Variants in LRRTM3 observed in about 807,000 individuals in gnomAD.
LRRTM3 encodes the protein leucine rich repeat transmembrane neuronal 3, also known as leucine-rich repeat transmembrane neuronal protein 3.
A neutral mutation model predicts 44.7 loss-of-function variants in LRRTM3; 24 were observed. The ratio of observed to expected loss-of-function variants is 0.54; its 90% CI spans 0.39 to 0.76. The LOEUF is 0.76. Among genes scored for constraint, LRRTM3 ranks in the 30% least tolerant of loss-of-function variants. LRRTM3 has a pLI of 0.00. For synonymous variants in LRRTM3, 277 were observed against 278.7 expected (o/e 0.99, Z 0.06); for missense variants, 587 against 702.2 (o/e 0.84, Z 1.85).
chr10:67,101,402 T>C lies in LRRTM3; in HGVS notation c.*3606T>C, dbSNP rs1444890523. Among the ~76,000 whole-genome samples, 4 of 151,602 alleles carry C rather than the reference T, an allele frequency of 2.6e-5. No individual in the cohort carries two copies. In the Admixed American group the frequency reaches 2.6e-4, roughly 10 times the overall value. Reference sequence around the variant, plus strand: ...TTTTTTCTTTTGGCAAGATTTCTTCTTAAACCATGAAATTTTTTTTACTTG... The same window carrying C: ...TTTTTTCTTTTGGCAAGATTTCTTCCTAAACCATGAAATTTTTTTTACTTG... On this transcript the variant is annotated 3_prime_UTR_variant, in exon 3 of 3. Transcript: ENST00000361320.
At chr10:66,964,188 A>T (rs1236564937) in intron 2 of LRRTM3, among the ~76,000 whole-genome samples, 1 of 151,786 alleles carries the variant, frequency 6.6e-6, no homozygotes, top group African/African-American at 2.4e-5. Flanking sequence ...CGTAGGAAAA[A>T]CTTTGTCACA....
rs543986402 is a variant in LRRTM3, at chr10:67,001,097, T to C, written c.1536+72645T>C. 5.9e-5 allele frequency among the ~76,000 whole-genome samples: 9 copies of C among 151,772 alleles called. No individual in the cohort carries two copies. In the South Asian group the frequency reaches 1.7e-3, roughly 28 times the overall value. On this transcript the variant is annotated intron_variant, in intron 2 of 2. Transcript: ENST00000361320. ...GTGGGTGGATCATGAGGTCAGGAGA[T>C]CGAGACCATCCTGGCCAACATGATG...
chr10:66,976,199 T>G (rs762064103), intron 2 of LRRTM3, among the ~76,000 whole-genome samples: 1 of 152,152 alleles, frequency 6.6e-6, no homozygotes, highest in Non-Finnish European at 1.5e-5. Context: ...ATGAAATAAT[T>G]ATAAGTATTT....
chr10:67,078,664 C>A (rs1255443510), intron 2 of LRRTM3, among the ~76,000 whole-genome samples: 2 of 151,950 alleles, frequency 1.3e-5, no homozygotes, highest in Non-Finnish European at 2.9e-5. Flanking sequence ...TTACAGGCAC[C>A]CACCACCACA....
intron 2 of LRRTM3, among the ~76,000 whole-genome samples, chr10:66,992,266 G>T (rs1293187283): frequency 5.9e-5 from 9 of 152,028 alleles, no homozygotes; most frequent in African/African-American, 2.2e-4. Flanking sequence ...CTAATCACTG[G>T]TGAAGCTAAA....
chr10:66,965,483 C>T (rs1369670666), intron 2 of LRRTM3, among the ~76,000 whole-genome samples: 1 of 149,418 alleles, frequency 6.7e-6, no homozygotes, highest in African/African-American at 2.5e-5. Flanking sequence ...TGCAGTGAGC[C>T]GAGATCGCAC....
At chr10:67,032,686 G>C (rs1414597014) in intron 2 of LRRTM3, among the ~76,000 whole-genome samples, 5 of 152,164 alleles carry the variant, frequency 3.3e-5, no homozygotes, top group Non-Finnish European at 7.4e-5. Context: ...TCTGTATCAT[G>C]TTTAAGGCTT....
At chr10:66,996,449 C>G (rs1353343242) in intron 2 of LRRTM3, among the ~76,000 whole-genome samples, 1 of 151,836 alleles carries the variant, frequency 6.6e-6, no homozygotes, top group East Asian at 1.9e-4. Flanking sequence ...AGTTTGAGAC[C>G]AGGCTGGGCA....
intron 2 of LRRTM3, among the ~76,000 whole-genome samples, chr10:67,026,699 C>A (rs1853410194): frequency 6.6e-6 from 1 of 152,058 alleles, no homozygotes; most frequent in Non-Finnish European, 1.5e-5. Context: ...TTTGAGCAAC[C>A]AGTGACGAAA....
chr10:66,927,975 T>C lies in LRRTM3; in HGVS notation c.1059T>C (p.Asp353=). ...AGCTGCAAGGAGTAAATGTGATCGA[T>C]GCAGTGAAGAACTACAGCATCTGTG... is the stretch of plus-strand genomic sequence containing the variant. ...PKELQGVNVI[D]AVKNYSICGK... is the part of the protein sequence containing the mutation. The change falls in exon 2 of 3, where the codon GAT becomes GAC. Residue 353 remains aspartate, a synonymous_variant. Coordinates refer to ENST00000361320, the MANE Select transcript of LRRTM3 (RefSeq NM_178011.5). This position sits in a 1 kb window ranked among gnomAD's most constrained non-coding sequence, Gnocchi z 4.7. 6.2e-7 allele frequency: 1 copy of C among 1,614,244 alleles called. No homozygotes were observed. The highest frequency in any genetic ancestry group is 8.5e-7 in the Non-Finnish European group (1 of 1,180,044).
chr10:66,998,821 G>A (rs1184253125), intron 2 of LRRTM3, among the ~76,000 whole-genome samples: 2 of 152,214 alleles, frequency 1.3e-5, no homozygotes, highest in Admixed American at 6.5e-5. Flanking sequence ...TTAGTGGATT[G>A]TGGGAGATAC....
chr10:67,040,265 G>C (rs1015537864), intron 2 of LRRTM3, among the ~76,000 whole-genome samples: 1 of 152,110 alleles, frequency 6.6e-6, no homozygotes, highest in Non-Finnish European at 1.5e-5. Context: ...AAGGGTTCCA[G>C]ATAAGATGAA....
At chr10:67,043,131 CT>C (rs1284606581) in intron 2 of LRRTM3, among the ~76,000 whole-genome samples, 1 of 60,210 alleles carries the variant, frequency 1.7e-5, no homozygotes, top group African/African-American at 4.2e-5. Context: ...GGCTCACTTT[CT>C]TTCTTTTTTT....
intron 2 of LRRTM3, among the ~76,000 whole-genome samples, chr10:67,055,529 A>G (rs1855369164): frequency 6.6e-6 from 1 of 152,238 alleles, no homozygotes; most frequent in Non-Finnish European, 1.5e-5. Context: ...GAAAGGAGAC[A>G]ATGCCATTTG....
chr10:66,952,084 C>T (rs888700389), intron 2 of LRRTM3, among the ~76,000 whole-genome samples: 1 of 152,150 alleles, frequency 6.6e-6, no homozygotes, highest in South Asian at 2.1e-4. Context: ...TATTTTCCAG[C>T]ATGCTGGGTC....
intron 2 of LRRTM3, among the ~76,000 whole-genome samples, chr10:67,019,571 T>C (rs1283372318): frequency 6.6e-6 from 1 of 152,234 alleles, no homozygotes; most frequent in Non-Finnish European, 1.5e-5. Context: ...TATAAAATTA[T>C]GTACACTTTA....
chr10:66,926,293 C>A lies in LRRTM3; in HGVS notation c.-291C>A, dbSNP rs1213214127. The A allele has an allele frequency of 3.8e-6, 2 of 524,434 alleles. No individual in the cohort carries two copies. The highest frequency in any genetic ancestry group is 3.2e-5 in the Admixed American group (1 of 31,546). The allele number at this position is 524,434 out of a possible 1,614,324, so 32.5% of individuals were successfully genotyped here. On this transcript the variant is annotated 5_prime_UTR_variant, in exon 1 of 3. Coordinates refer to ENST00000361320, the MANE Select transcript of LRRTM3 (RefSeq NM_178011.5). Reference sequence around the variant, plus strand: ...TTTTAACCGCCCCCTCCCCACCCCCCAAAAAACTGTAAAGATGCAAAAACG... The same window carrying A: ...TTTTAACCGCCCCCTCCCCACCCCCAAAAAAACTGTAAAGATGCAAAAACG...
chr10:67,052,184 T>A (rs1855140794), intron 2 of LRRTM3, among the ~76,000 whole-genome samples: 1 of 152,196 alleles, frequency 6.6e-6, no homozygotes, highest in African/African-American at 2.4e-5. Flanking sequence ...CTACCTTATC[T>A]GTGGTACCAG....
At chr10:66,997,346 A>G (rs971518319) in intron 2 of LRRTM3, among the ~76,000 whole-genome samples, 1 of 152,196 alleles carries the variant, frequency 6.6e-6, no homozygotes, top group Non-Finnish European at 1.5e-5. Context: ...AATGACCACA[A>G]ATTCTTTCTT....
Sources: allele counts gnomAD v4.1 joint callset (sites outside exome capture counted in the v4.1 genomes callset), GRCh38; gene constraint gnomAD v4.1.1; non-coding constraint Gnocchi (gnomAD v3.1); transcripts MANE v1.5; gene names NCBI Gene and HGNC (gene_info 2026-07-23, HGNC 2026-07-21).